The following ADGRA3 variants were observed in gnomAD, a reference collection of about 807,000 sequenced individuals.
ADGRA3 encodes the protein adhesion G protein-coupled receptor A3.
ADGRA3 carries 56 observed loss-of-function variants against 119.8 expected under a neutral mutation model. That is an observed-to-expected ratio of 0.47 (90% CI 0.38 to 0.58). ADGRA3 has a LOEUF of 0.58. Ranked by LOEUF, ADGRA3 falls within the 20% of genes least tolerant of loss-of-function variation. The pLI, the probability that ADGRA3 is intolerant of heterozygous loss-of-function variation, is 0.00. For synonymous variants in ADGRA3, 607 were observed against 623.8 expected (o/e 0.97, Z 0.40); for missense variants, 1,516 against 1,649.0 (o/e 0.92, Z 1.40).
intron 14 of ADGRA3, among the ~76,000 whole-genome samples, chr4:22,407,678 TAC>T (rs1273063678): frequency 6.6e-6 from 1 of 152,128 alleles, no homozygotes; most frequent in African/African-American, 2.4e-5. Context: ...GCTGAACTAA[TAC>T]AGAGAAATTA....
At position 22,442,697 on chromosome 4, in the gene ADGRA3, A is replaced by C; in HGVS notation, c.873T>G (p.Gly291=). The stretch of plus-strand genomic sequence containing the variant: ...GAATCATGTTCTTTTCAACAAAAAT[A>C]CCTTGCGATTCATCGGTTTCAACTA... ...GRIVETDESQ[G]IFVEKNMIHN... Residue 291 remains glycine (G), a synonymous_variant, in exon 7 of 19, where the codon GGT becomes GGG. Transcript: ENST00000334304. The C allele has an allele frequency of 6.2e-7, 1 of 1,613,702 alleles. No individual in the cohort carries two copies. Among genetic ancestry groups the C allele is most frequent in the Non-Finnish European group, 8.5e-7 (1 of 1,179,780 alleles).
intron 16 of ADGRA3, chr4:22,394,364 T>C (rs558049695): frequency 5.3e-5 from 8 of 152,234 alleles, no homozygotes; most frequent in Non-Finnish European, 1.2e-4. Context: ...GGGATCAAGT[T>C]TGGCCCAACT....
At chr4:22,426,310 C>T (rs1474197493) in intron 10 of ADGRA3, among the ~76,000 whole-genome samples, 1 of 152,158 alleles carries the variant, frequency 6.6e-6, no homozygotes, top group African/African-American at 2.4e-5. Flanking sequence ...CATAATGTAT[C>T]ACAACTTTTT....
At chr4:22,408,389 A>G (rs1715044700) in intron 14 of ADGRA3, among the ~76,000 whole-genome samples, 1 of 152,138 alleles carries the variant, frequency 6.6e-6, no homozygotes, top group Admixed American at 6.5e-5. Context: ...TATGCAACAC[A>G]TAAATCCAAC....
chr4:22,432,743 T>C (rs1331852340), intron 10 of ADGRA3, among the ~76,000 whole-genome samples: 2 of 152,188 alleles, frequency 1.3e-5, no homozygotes, highest in East Asian at 3.9e-4. Context: ...ATCCACTAAA[T>C]ATATCACTTA....
At chr4:22,416,347 A>G (rs1437921247) in intron 12 of ADGRA3, among the ~76,000 whole-genome samples, 2 of 152,216 alleles carry the variant, frequency 1.3e-5, no homozygotes, top group Admixed American at 6.5e-5. Flanking sequence ...CCTTTGGGAA[A>G]AACAAGTTTT....
At chr4:22,464,634 T>C (rs1036450565) in intron 2 of ADGRA3, among the ~76,000 whole-genome samples, 27 of 152,310 alleles carry the variant, frequency 1.8e-4, no homozygotes, top group African/African-American at 6.5e-4. Flanking sequence ...GCAGTCCCTC[T>C]ACCTGCAACT....
chr4:22,430,073 T>C (rs1358913238), intron 10 of ADGRA3, among the ~76,000 whole-genome samples: 4 of 152,284 alleles, frequency 2.6e-5, no homozygotes, highest in South Asian at 2.1e-4. Context: ...CCTGCCACCA[T>C]CCATGTAAGG....
intron 10 of ADGRA3, among the ~76,000 whole-genome samples, chr4:22,433,048 A>G (rs1716250367): frequency 6.6e-6 from 1 of 152,218 alleles, no homozygotes; most frequent in Non-Finnish European, 1.5e-5. Context: ...AAATGGTGAA[A>G]GCTATGGCCT....
In ADGRA3 at chr4:22,388,911, G is replaced by A. The variant is rs1354147078; in HGVS notation, c.2760C>T (p.Phe920=). Residue 920 remains phenylalanine (F), a synonymous_variant, in exon 19 of 19, where the codon TTC becomes TTT. Coordinates refer to ENST00000334304, the MANE Select transcript of ADGRA3 (RefSeq NM_145290.4). ...AAGTGATGAAGCTGGCTGGCCCATA[G>A]AAGGCTCCCAAGGAGGGTTCCCATG... ...WMAWEPSLGA[F]YGPASFITFV... The A allele has an allele frequency of 5.0e-6, 8 of 1,614,078 alleles. No homozygotes were observed. The highest frequency in any genetic ancestry group is 1.3e-5 in the African/African-American group (1 of 75,046).
At chr4:22,435,097 G>A (rs762278934) in intron 10 of ADGRA3, among the ~76,000 whole-genome samples, 20 of 152,164 alleles carry the variant, frequency 1.3e-4, no homozygotes, top group African/African-American at 4.8e-4. Context: ...GGACCTTAAC[G>A]TCCAAGAACT....
chr4:22,422,949 C>T (rs1274283296), intron 11 of ADGRA3, among the ~76,000 whole-genome samples: 4 of 152,042 alleles, frequency 2.6e-5, no homozygotes, highest in African/African-American at 7.2e-5. Flanking sequence ...AATCCCAGCA[C>T]TTTTGGGAGG....
At chr4:22,409,851 A>G (rs1715118558) in intron 14 of ADGRA3, among the ~76,000 whole-genome samples, 1 of 152,230 alleles carries the variant, frequency 6.6e-6, no homozygotes, top group South Asian at 2.1e-4. Context: ...CCTCAACAAT[A>G]CGCGAGAAAC....
At chr4:22,491,930 C>T (rs1176180785) in intron 1 of ADGRA3, among the ~76,000 whole-genome samples, 1 of 152,200 alleles carries the variant, frequency 6.6e-6, no homozygotes, top group Non-Finnish European at 1.5e-5. Flanking sequence ...TAACATTTGA[C>T]TTAATCAGAG....
intron 1 of ADGRA3, among the ~76,000 whole-genome samples, chr4:22,498,879 G>C (rs916816982): frequency 2.6e-5 from 4 of 151,346 alleles, no homozygotes; most frequent in Admixed American, 2.6e-4. Context: ...ACACCACTGC[G>C]CTCCAGCTTG....
intron 1 of ADGRA3, among the ~76,000 whole-genome samples, chr4:22,506,191 C>A (rs1719233804): frequency 6.6e-6 from 1 of 152,086 alleles, no homozygotes; most frequent in Non-Finnish European, 1.5e-5. Flanking sequence ...ATCTCTTAAA[C>A]CTTCCATTTT....
At chr4:22,436,042 A>G (rs1462170947) in intron 9 of ADGRA3, among the ~76,000 whole-genome samples, 2 of 152,136 alleles carry the variant, frequency 1.3e-5, no homozygotes, top group Non-Finnish European at 2.9e-5. Context: ...GTAAGTTTTA[A>G]AAAGATGCAT....
chr4:22,418,488 G>A (rs764053117), intron 12 of ADGRA3, among the ~76,000 whole-genome samples: 2 of 152,132 alleles, frequency 1.3e-5, no homozygotes, highest in Non-Finnish European at 2.9e-5. Context: ...GTAGGGATTC[G>A]AGTAGGAGAA....
At chr4:22,444,195 T>C (rs569789103) in intron 6 of ADGRA3, among the ~76,000 whole-genome samples, 1 of 152,206 alleles carries the variant, frequency 6.6e-6, no homozygotes, top group Non-Finnish European at 1.5e-5. Flanking sequence ...ATTTAGGATA[T>C]GCTTATACAC....
Sources: allele counts gnomAD v4.1 joint callset (sites outside exome capture counted in the v4.1 genomes callset), GRCh38; gene constraint gnomAD v4.1.1; transcripts MANE v1.5; gene names NCBI Gene and HGNC (gene_info 2026-07-23, HGNC 2026-07-21).